FBXO48: variants seen among roughly 807,000 people sequenced by gnomAD.
FBXO48 encodes the protein F-box only protein 48.
Under a neutral mutation model 14.3 loss-of-function variants are expected in FBXO48, and 12 were observed. The observed-to-expected ratio is 0.84, with a 90% CI of 0.54 to 1.36. FBXO48 has a LOEUF of 1.36. FBXO48 is among the 40% of genes most tolerant of loss of function. FBXO48 has a pLI of 0.00. For missense variants in FBXO48, 177 were observed against 179.1 expected (o/e 0.99, Z 0.07); for synonymous variants, 53 against 61.7 (o/e 0.86, Z 0.66).
chr2:68,460,377 C>T lies in FBXO48; in HGVS notation c.*3832G>A, dbSNP rs1399658571. On this transcript the variant is annotated 3_prime_UTR_variant, in exon 4 of 4. Transcript: ENST00000377957. ...TAAAATCAAGTAAGAATTGACTCGG[C>T]TGGACTTGGAGAATGATGGAGAAAA... The T allele has an allele frequency of 6.6e-6, 1 of 152,094 alleles. No individual in the cohort carries two copies. The highest frequency in any genetic ancestry group is 6.5e-5 in the Admixed American group (1 of 15,268). 9.4% of individuals were successfully genotyped at this position (152,094 alleles called of 1,614,324 possible).
Position 68,461,543 on chromosome 2 carries a change from G to T in FBXO48, c.*2666C>A, listed in dbSNP as rs1256319462. On this transcript the variant is annotated 3_prime_UTR_variant, in exon 4 of 4. Transcript: ENST00000377957. ...GATCTCCTGACCTCATGATCCACCC[G>T]CCTCGGCCTCCCAAAGTGCTGGGAT... The T allele has an allele frequency of 1.3e-5, 2 of 150,224 alleles. No homozygotes were observed. Among genetic ancestry groups the T allele is most frequent in the Admixed American group, 1.3e-4 (2 of 15,180 alleles). The allele number at this position is 150,224 out of a possible 1,614,324, so 9.3% of individuals were successfully genotyped here.
Position 68,461,500 on chromosome 2 carries a change from G to A in FBXO48, c.*2709C>T, listed in dbSNP as rs1036935405. ...TTTAGTAGAGACGGGGTTTCACCTT[G>A]TTAGCCAGGATGGTCTCGATCTCCT... On this transcript the variant is annotated 3_prime_UTR_variant, in exon 4 of 4. Coordinates refer to ENST00000377957, the MANE Select transcript of FBXO48 (RefSeq NM_001024680.3). 1.3e-5 allele frequency: 2 copies of A among 148,520 alleles called. No individual in the cohort carries two copies. The highest frequency in any genetic ancestry group is 6.6e-5 in the Admixed American group (1 of 15,052). The allele number at this position is 148,520 out of a possible 1,614,324, so 9.2% of individuals were successfully genotyped here.
rs1354044496 is a variant in FBXO48, at chr2:68,464,260, T to C, written c.417A>G (p.Pro139=). The change falls in exon 4 of 4, where the codon CCA becomes CCG. Residue 139 remains proline, a synonymous_variant. Transcript: ENST00000377957. ...PISLPEKIMY[P]MDADTWGEIL... ...TTTCCCCCCATGTATCTGCATCCATTGGGTACATGATTTTTTCTGGTAGGC... is the reference window on the plus strand; with the variant it reads ...TTTCCCCCCATGTATCTGCATCCATCGGGTACATGATTTTTTCTGGTAGGC... 1 of 1,613,766 alleles carries C rather than the reference T, an allele frequency of 6.2e-7. No homozygotes were observed. The highest frequency in any genetic ancestry group is 8.5e-7 in the Non-Finnish European group (1 of 1,179,860).
In FBXO48 at chr2:68,461,288, T is replaced by C. The variant is rs1426183589; in HGVS notation, c.*2921A>G. 4 of 109,760 alleles carry C rather than the reference T, an allele frequency of 3.6e-5. No individual in the cohort carries two copies. Among genetic ancestry groups the C allele is most frequent in the South Asian group, 5.3e-4 (2 of 3,770 alleles). The allele number at this position is 109,760 out of a possible 1,614,324, so 6.8% of individuals were successfully genotyped here. On this transcript the variant is annotated 3_prime_UTR_variant, in exon 4 of 4. Coordinates refer to ENST00000377957, the MANE Select transcript of FBXO48 (RefSeq NM_001024680.3). ...TTACTTAAGATCCGTTTTCGTTTTC[T>C]TTTTTTTTTTTTTTTTTTTGAGACG...
Position 68,464,973 on chromosome 2 carries a change from G to A in FBXO48, c.173C>T (p.Ala58Val), listed in dbSNP as rs1222602726. 2.5e-6 allele frequency: 4 copies of A among 1,613,864 alleles called. No individual in the cohort carries two copies. The Admixed American group carries it at 5.0e-5, about 20-fold the overall frequency. ...ATTCCAGCTCCTGCATGTCAATGAA[G>A]CCCTGCACAGACTCCGAATGTCCAG... ...SQLDIRSLCR[A>V]SLTCRSWNDT... is the part of the protein sequence containing the mutation. Residue 58 changes from alanine to valine, a missense_variant, in exon 3 of 4, where the codon GCT becomes GTT. Coordinates refer to ENST00000377957, the MANE Select transcript of FBXO48 (RefSeq NM_001024680.3).
rs535924014 is a variant in FBXO48 at position 68,463,435 on chromosome 2, G to C, written c.*774C>G. The C allele has an allele frequency of 4.6e-5, 7 of 151,908 alleles. 1 individual carries two copies. Among genetic ancestry groups the C allele is most frequent in the African/African-American group, 1.7e-4 (7 of 41,416 alleles). 9.4% of individuals were successfully genotyped at this position (151,908 alleles called of 1,614,324 possible). ...CTTTTTAATATGGAGAAAACAAAAA[G>C]GAGCTGAAAGTCCTTTGTCTTGCTA... On this transcript the variant is annotated 3_prime_UTR_variant, in exon 4 of 4. Coordinates refer to ENST00000377957, the MANE Select transcript of FBXO48 (RefSeq NM_001024680.3).
intron 2 of FBXO48, 42 bp from the exon 3 acceptor site, chr2:68,465,220 G>A: frequency 1.0e-6 from 1 of 978,452 alleles, no homozygotes; most frequent in Non-Finnish European, 1.5e-6. Context: ...CCAAATAGGA[G>A]TATAAATCCT....
rs754302574 is a variant in FBXO48, at chr2:68,460,538, A to T, written c.*3671T>A. 8.0e-5 allele frequency: 9 copies of T among 112,656 alleles called. No homozygotes were observed. The highest frequency in any genetic ancestry group is 4.6e-4 in the South Asian group (2 of 4,324). The allele number at this position is 112,656 out of a possible 1,614,324, so 7.0% of individuals were successfully genotyped here. A position where few individuals can be genotyped will look rare whatever the true frequency, so the allele number is the denominator to read the frequency against. ...TATCTTTGGATATATCAAATATTTT[A>T]TATATATATATATATACTTATACTA... On this transcript the variant is annotated 3_prime_UTR_variant, in exon 4 of 4. Transcript: ENST00000377957.
In FBXO48 at chr2:68,462,978, T is replaced by C. The variant is rs890512167; in HGVS notation, c.*1231A>G. On this transcript the variant is annotated 3_prime_UTR_variant, in exon 4 of 4. Transcript: ENST00000377957. ...GGCTGGCTGACTGACAGTGTTCCTA[T>C]TGAGAAAATTACTGAATAGTCCTGG... The C allele has an allele frequency of 3.3e-5, 5 of 152,220 alleles. No individual in the cohort carries two copies. Among genetic ancestry groups the C allele is most frequent in the Non-Finnish European group, 7.3e-5 (5 of 68,054 alleles). 9.4% of individuals were successfully genotyped at this position (152,220 alleles called of 1,614,324 possible).
In FBXO48 at chr2:68,466,243, C is replaced by T. The variant is rs1355770197; in HGVS notation, c.-133G>A. On this transcript the variant is annotated 5_prime_UTR_variant, in exon 2 of 4. It adds an upstream start codon to the 5' untranslated region. Coordinates refer to ENST00000377957, the MANE Select transcript of FBXO48 (RefSeq NM_001024680.3). The stretch of plus-strand genomic sequence containing the variant: ...TGTATATAAAGACAGCTTGTATTCA[C>T]TTAAAATCAGTTTATTCCATTTTGC... The T allele has an allele frequency of 3.3e-5, 5 of 152,252 alleles. No individual in the cohort carries two copies. In the South Asian group the frequency reaches 1.0e-3, roughly 31 times the overall value. 9.4% of individuals were successfully genotyped at this position (152,252 alleles called of 1,614,324 possible).
rs541522132 is a variant in FBXO48 at position 68,463,534 on chromosome 2, G to C, written c.*675C>G. 111 of 151,692 alleles carry C rather than the reference G, an allele frequency of 7.3e-4. No individual in the cohort carries two copies. The highest frequency in any genetic ancestry group is 2.6e-3 in the African/African-American group (108 of 41,332). The allele number at this position is 151,692 out of a possible 1,614,324, so 9.4% of individuals were successfully genotyped here. A position where few individuals can be genotyped will look rare whatever the true frequency, so the allele number is the denominator to read the frequency against. On this transcript the variant is annotated 3_prime_UTR_variant, in exon 4 of 4. Coordinates refer to ENST00000377957, the MANE Select transcript of FBXO48 (RefSeq NM_001024680.3). ...TTTTACCAGGCTAGTGTGGCATTCTGATGGTAAAGTGTTCTGGAAACTTTC... is the reference window on the plus strand; with the variant it reads ...TTTTACCAGGCTAGTGTGGCATTCTCATGGTAAAGTGTTCTGGAAACTTTC...
Position 68,464,490 on chromosome 2 carries a change from C to T in FBXO48, c.307-120G>A, listed in dbSNP as rs542785138. On this transcript the variant is annotated intron_variant, in intron 3 of 3. Transcript: ENST00000377957. ...AAAAGAGTATTTACATTTATATATA[C>T]GTACATTAATAAATGTATGTGTCTG... The T allele has an allele frequency of 3.1e-4, 241 of 790,046 alleles. 1 individual carries two copies. Among genetic ancestry groups the T allele is most frequent in the Middle Eastern group, 1.6e-3 (6 of 3,678 alleles). 48.9% of individuals were successfully genotyped at this position (790,046 alleles called of 1,614,324 possible).
In FBXO48 at chr2:68,464,233, A is replaced by G; in HGVS notation, c.444T>C (p.Ile148=). 1 of 1,613,786 alleles carries G rather than the reference A, an allele frequency of 6.2e-7. No individual in the cohort carries two copies. Among genetic ancestry groups the G allele is most frequent in the Non-Finnish European group, 8.5e-7 (1 of 1,179,922 alleles). ...YPMDADTWGE[I]LEAELER ...CTTATCTTTCCAGTTCTGCTTCTAGAATTTCCCCCCATGTATCTGCATCCA... is the reference window on the plus strand; with the variant it reads ...CTTATCTTTCCAGTTCTGCTTCTAGGATTTCCCCCCATGTATCTGCATCCA... Residue 148 remains isoleucine (I), a synonymous_variant, in exon 4 of 4, where the codon ATT becomes ATC. Coordinates refer to ENST00000377957, the MANE Select transcript of FBXO48 (RefSeq NM_001024680.3).
rs1383215444 is a variant in FBXO48, at chr2:68,459,767, AG to A, written c.*4441del. The stretch of plus-strand genomic sequence containing the variant: ...TGCCATTAAGAAGTTCACAGTGTAA[AG>A]GGGCAAACACACAAATAAAATAGAC... On this transcript the variant is annotated 3_prime_UTR_variant, in exon 4 of 4. Transcript: ENST00000377957. The A allele has an allele frequency of 1.1e-4, 16 of 152,298 alleles. No homozygotes were observed. Among genetic ancestry groups the A allele is most frequent in the Admixed American group, 2.6e-4 (4 of 15,302 alleles). The allele number at this position is 152,298 out of a possible 1,614,324, so 9.4% of individuals were successfully genotyped here.
chr2:68,461,331 C>T lies in FBXO48; in HGVS notation c.*2878G>A, dbSNP rs1675259603. The T allele has an allele frequency of 7.0e-6, 1 of 143,086 alleles. No individual in the cohort carries two copies. The highest frequency in any genetic ancestry group is 2.8e-5 in the African/African-American group (1 of 35,946). The allele number at this position is 143,086 out of a possible 1,614,324, so 8.9% of individuals were successfully genotyped here. On this transcript the variant is annotated 3_prime_UTR_variant, in exon 4 of 4. Transcript: ENST00000377957. Reference sequence around the variant, plus strand: ...TTGAGACGGAGTCTCGCTCTGTCGCCCAGGCCGGACTGCGGACTGCAGTGG... The same window carrying T: ...TTGAGACGGAGTCTCGCTCTGTCGCTCAGGCCGGACTGCGGACTGCAGTGG...
chr2:68,461,282 G>GTTTT lies in FBXO48; in HGVS notation c.*2923_*2926dup, dbSNP rs1675255012. The GTTTT allele has an allele frequency of 7.8e-6, 1 of 128,342 alleles. No individual in the cohort carries two copies. Among genetic ancestry groups the GTTTT allele is most frequent in the African/African-American group, 3.8e-5 (1 of 26,542 alleles). The allele number at this position is 128,342 out of a possible 1,614,324, so 8.0% of individuals were successfully genotyped here. On this transcript the variant is annotated 3_prime_UTR_variant, in exon 4 of 4. Transcript: ENST00000377957. ...ATTCTCTTACTTAAGATCCGTTTTCGTTTTCTTTTTTTTTTTTTTTTTTTT... is the reference window on the plus strand; with the variant it reads ...ATTCTCTTACTTAAGATCCGTTTTCGTTTTTTTTCTTTTTTTTTTTTTTTTTTTT...
Position 68,464,086 on chromosome 2 carries a change from C to A in FBXO48, c.*123G>T. 3.4e-6 allele frequency: 3 copies of A among 881,034 alleles called. No homozygotes were observed. Among genetic ancestry groups the A allele is most frequent in the Non-Finnish European group, 1.7e-6 (1 of 585,572 alleles). 54.6% of individuals were successfully genotyped at this position (881,034 alleles called of 1,614,324 possible). On this transcript the variant is annotated 3_prime_UTR_variant, in exon 4 of 4. Coordinates refer to ENST00000377957, the MANE Select transcript of FBXO48 (RefSeq NM_001024680.3). The stretch of plus-strand genomic sequence containing the variant: ...TAAAGCTTTACTTTTATAATAGTTC[C>A]ATTTCATTTTCTTTTAAAAAGGTGA...
Position 68,459,750 on chromosome 2 carries a change from A to C in FBXO48, c.*4459T>G, listed in dbSNP as rs1384907436. 1 of 152,224 alleles carries C rather than the reference A, an allele frequency of 6.6e-6. No homozygotes were observed. Among genetic ancestry groups the C allele is most frequent in the Non-Finnish European group, 1.5e-5 (1 of 68,038 alleles). The allele number at this position is 152,224 out of a possible 1,614,324, so 9.4% of individuals were successfully genotyped here. ...AAATAAAAAATGGTCCCTGCCATTA[A>C]GAAGTTCACAGTGTAAAGGGGCAAA... On this transcript the variant is annotated 3_prime_UTR_variant, in exon 4 of 4. Transcript: ENST00000377957.
intron 2 of FBXO48, among the ~76,000 whole-genome samples, chr2:68,465,522 T>TAAAAAAA (rs973083256): frequency 3.6e-5 from 4 of 111,520 alleles, no homozygotes; most frequent in East Asian, 4.8e-4. Flanking sequence ...CGCCCCTCTT[T>TAAAAAAA]AAAAAAAAAA....
Sources: allele counts gnomAD v4.1 joint callset (sites outside exome capture counted in the v4.1 genomes callset), GRCh38; gene constraint gnomAD v4.1.1; transcripts MANE v1.5; gene names NCBI Gene and HGNC (gene_info 2026-07-23, HGNC 2026-07-21).